The following ANO10 variants were observed in gnomAD, a reference collection of about 807,000 sequenced individuals.
The protein encoded by ANO10 is anoctamin-10.
Under a neutral mutation model 74.7 loss-of-function variants are expected in ANO10, and 77 were observed. The ratio of observed to expected loss-of-function variants is 1.03; its 90% CI spans 0.86 to 1.25. The LOEUF is 1.25. ANO10 is among the 50% of genes most tolerant of loss of function. ANO10 has a pLI of 0.00. For missense variants in ANO10, 721 were observed against 778.1 expected (o/e 0.93, Z 0.87); for synonymous variants, 279 against 284.9 (o/e 0.98, Z 0.21).
chr3:43,439,873 C>A (rs2093133764), intron 11 of ANO10, among the ~76,000 whole-genome samples: 2 of 151,960 alleles, frequency 1.3e-5, no homozygotes, highest in Non-Finnish European at 2.9e-5. Context: ...CAGAGTGAGA[C>A]CCTGTCTCAA....
intron 1 of ANO10, among the ~76,000 whole-genome samples, chr3:43,665,389 G>C (rs189690175): frequency 1.3e-5 from 2 of 152,250 alleles, no homozygotes; most frequent in East Asian, 3.9e-4. Flanking sequence ...GGGCGGTTAA[G>C]GGAGGGATAA....
At chr3:43,410,123 C>T (rs546766260) in intron 12 of ANO10, among the ~76,000 whole-genome samples, 32 of 151,890 alleles carry the variant, frequency 2.1e-4, no homozygotes, top group African/African-American at 7.2e-4. Flanking sequence ...TCTTCCCTTA[C>T]GAAATCTTCC....
intron 11 of ANO10, among the ~76,000 whole-genome samples, chr3:43,544,264 C>T (rs1240149496): frequency 6.6e-6 from 1 of 152,042 alleles, no homozygotes; most frequent in Admixed American, 6.6e-5. Context: ...CAAAAAATGG[C>T]ATTTTCACAT....
intron 11 of ANO10, among the ~76,000 whole-genome samples, chr3:43,492,019 C>T (rs76695526): frequency 0.023 from 3,441 of 152,132 alleles, 129 homozygotes; most frequent in African/African-American, 0.078. Flanking sequence ...AGGTCACCAA[C>T]CTCAAAGACC....
intron 11 of ANO10, among the ~76,000 whole-genome samples, chr3:43,462,295 T>A (rs993536282): frequency 6.6e-6 from 1 of 152,138 alleles, no homozygotes; most frequent in African/African-American, 2.4e-5. Flanking sequence ...AACGGTACGA[T>A]CTTGGCTCAC....
At position 43,411,901 on chromosome 3, in the gene ANO10, GT is replaced by G. The variant is rs903999820; in HGVS notation, c.1914+20709del. Among the ~76,000 whole-genome samples, 89 of 151,930 alleles carry G rather than the reference GT, an allele frequency of 5.9e-4. No homozygotes were observed. The Middle Eastern group carries it at 0.014, about 23-fold the overall frequency. On this transcript the variant is annotated intron_variant, in intron 12 of 12. Transcript: ENST00000292246. The stretch of plus-strand genomic sequence containing the variant: ...GATGTAATTAACTCACAAAGACTTA[GT>G]TTTTTTCCTCTCTCTACAGTTAAGC...
intron 11 of ANO10, among the ~76,000 whole-genome samples, chr3:43,514,675 A>C (rs1275673698): frequency 6.6e-6 from 1 of 152,236 alleles, no homozygotes; most frequent in Non-Finnish European, 1.5e-5. Context: ...CAGAATACCC[A>C]TTCTTTTCAG....
intron 12 of ANO10, among the ~76,000 whole-genome samples, chr3:43,398,418 G>A (rs1429893734): frequency 2.6e-5 from 4 of 152,210 alleles, no homozygotes; most frequent in South Asian, 4.1e-4. Context: ...AATAGTTAAA[G>A]TAATATATCG....
At chr3:43,551,612 G>A (rs1300736063) in intron 10 of ANO10, 1 of 454,246 alleles carries the variant, frequency 2.2e-6, no homozygotes, top group Non-Finnish European at 4.4e-6. Flanking sequence ...ATATAGATTT[G>A]TTTGCATATT....
At chr3:43,688,830 T>C (rs1204505368) in intron 1 of ANO10, among the ~76,000 whole-genome samples, 1 of 142,392 alleles carries the variant, frequency 7.0e-6, no homozygotes, top group Admixed American at 7.1e-5. Flanking sequence ...GGCAACAGAG[T>C]GAAACTCCGT....
At chr3:43,677,840 G>C (rs2084143005) in intron 1 of ANO10, among the ~76,000 whole-genome samples, 1 of 152,204 alleles carries the variant, frequency 6.6e-6, no homozygotes, top group African/African-American at 2.4e-5. Context: ...GGTGAACTCT[G>C]GAGCAACAGA....
chr3:43,609,807 A>T (rs2082726516), intron 1 of ANO10, among the ~76,000 whole-genome samples: 1 of 152,212 alleles, frequency 6.6e-6, no homozygotes, highest in African/African-American at 2.4e-5. Flanking sequence ...GTACAGTGAA[A>T]ATACAGTATA....
intron 1 of ANO10, among the ~76,000 whole-genome samples, chr3:43,658,344 T>C (rs1052866109): frequency 6.6e-6 from 1 of 152,308 alleles, no homozygotes; most frequent in Non-Finnish European, 1.5e-5. Flanking sequence ...GTTCAGTACA[T>C]TGTAGTATCT....
rs375327450 is a variant in ANO10 at position 43,664,204 on chromosome 3, C to T, written c.-12+27313G>A. On this transcript the variant is annotated intron_variant, in intron 1 of 3. Coordinates refer to the ANO10 transcript ENST00000413397. Reference sequence around the variant, plus strand: ...AGATATATAGACCAGTAGAACAGAACGGAGTCCTCAGAAATAACACCACAC... The same window carrying T: ...AGATATATAGACCAGTAGAACAGAATGGAGTCCTCAGAAATAACACCACAC... Among the ~76,000 whole-genome samples the T allele has an allele frequency of 3.2e-4, 48 of 152,202 alleles. No homozygotes were observed. The East Asian group carries it at 8.5e-3, about 27-fold the overall frequency.
At chr3:43,557,197 C>T (rs1193429194) in intron 9 of ANO10, among the ~76,000 whole-genome samples, 1 of 151,576 alleles carries the variant, frequency 6.6e-6, no homozygotes, top group Non-Finnish European at 1.5e-5. Flanking sequence ...CCAAGCCAAC[C>T]GAATGATCAA....
At chr3:43,434,238 G>A (rs1319840325) in intron 11 of ANO10, among the ~76,000 whole-genome samples, 2 of 152,224 alleles carry the variant, frequency 1.3e-5, no homozygotes, top group Non-Finnish European at 2.9e-5. Flanking sequence ...CATGACCAAA[G>A]ATGACACTGG....
At chr3:43,614,771 C>A (rs1363037433) in intron 1 of ANO10, among the ~76,000 whole-genome samples, 17 of 52,684 alleles carry the variant, frequency 3.2e-4, no homozygotes, top group South Asian at 1.1e-3. Context: ...GAAAACTAAA[C>A]TATATATATA....
At chr3:43,690,910 T>G in intron 1 of ANO10, 5 of 1,446,184 alleles carry the variant, frequency 3.5e-6, no homozygotes, top group Non-Finnish European at 4.6e-6. Context: ...TGCGCCGCCT[T>G]AAGTGCCGCG....
At chr3:43,689,261 C>T (rs984287471) in intron 1 of ANO10, 6 of 152,200 alleles carry the variant, frequency 3.9e-5, no homozygotes, top group African/African-American at 1.4e-4. Context: ...CCTACCTGCC[C>T]TTAGGTCAAA....
Sources: gnomAD v4.1 joint callset for allele counts (sites outside exome capture counted in the v4.1 genomes callset) on GRCh38, gnomAD v4.1.1 for gene constraint, MANE v1.5 for transcripts, NCBI Gene and HGNC (gene_info 2026-07-23, HGNC 2026-07-21) for gene names.